Variants in LYZ observed in about 807,000 individuals in gnomAD.
The protein encoded by LYZ is lysozyme.
LYZ carries 18 observed loss-of-function variants against 15.8 expected under a neutral mutation model. That is an observed-to-expected ratio of 1.14 (90% CI 0.79 to 1.69). The LOEUF is 1.69. Ranked by LOEUF, LYZ falls within the 40% of genes most tolerant of loss-of-function variation. The pLI is 0.00. For synonymous variants in LYZ, 60 were observed against 61.7 expected (o/e 0.97, Z 0.13); for missense variants, 139 against 182.8 (o/e 0.76, Z 1.38).
chr12:69,352,380 G>C, intron 3 of LYZ, 82 bp downstream of exon 3: 2 of 1,089,384 alleles, frequency 1.8e-6, no homozygotes, highest in Non-Finnish European at 2.8e-6. Context: ...AAAGACCAAA[G>C]TATGCTAATG....
At chr12:69,352,608 T>C (rs1283520926) in intron 3 of LYZ, among the ~76,000 whole-genome samples, 2 of 152,236 alleles carry the variant, frequency 1.3e-5, no homozygotes, top group African/African-American at 4.8e-5. Context: ...GCACAGTGGC[T>C]CACGCCTGTA....
chr12:69,351,002 T>C (rs1874833804), intron 2 of LYZ, among the ~76,000 whole-genome samples: 1 of 151,740 alleles, frequency 6.6e-6, no homozygotes, highest in Non-Finnish European at 1.5e-5. Flanking sequence ...AACTCCTGAG[T>C]TCAAGCAATC....
chr12:69,348,591 A>G, intron 1 of LYZ, 47 bp downstream of exon 1: 1 of 1,606,686 alleles, frequency 6.2e-7, no homozygotes, highest in South Asian at 1.1e-5. Flanking sequence ...CGTATGGAAC[A>G]GACACTAGGA....
intron 3 of LYZ, among the ~76,000 whole-genome samples, chr12:69,352,847 C>A (rs934979363): frequency 2.6e-5 from 4 of 152,092 alleles, no homozygotes; most frequent in Non-Finnish European, 5.9e-5. Flanking sequence ...TCAGCCTGGG[C>A]GACAGAGTGA....
rs1874817996 is a variant in LYZ, at chr12:69,350,427, A to G, written c.301+155A>G. 3 of 710,132 alleles carry G rather than the reference A, an allele frequency of 4.2e-6. No homozygotes were observed. In the East Asian group the frequency reaches 8.3e-5, roughly 20 times the overall value. 44.0% of individuals were successfully genotyped at this position (710,132 alleles called of 1,614,324 possible). A position where few individuals can be genotyped will look rare whatever the true frequency, so the allele number is the denominator to read the frequency against. On this transcript the variant is annotated intron_variant, in intron 2 of 3. Transcript: ENST00000261267. ...TTATTTTCCTCATAATTCCCTGAGT[A>G]AGAAATTAAAGAAGTGGTATCATAA...
At chr12:69,351,875 T>A (rs951420546) in intron 2 of LYZ, among the ~76,000 whole-genome samples, 3 of 152,220 alleles carry the variant, frequency 2.0e-5, no homozygotes, top group Non-Finnish European at 2.9e-5. Flanking sequence ...TATACATCTT[T>A]GGGTGCATTT....
intron 2 of LYZ, among the ~76,000 whole-genome samples, chr12:69,351,925 G>A (rs2120832420): frequency 6.6e-6 from 1 of 152,154 alleles, no homozygotes; most frequent in East Asian, 1.9e-4. Context: ...TAGAACTGCT[G>A]AGTAAAATAT....
chr12:69,351,922 G>A (rs1874850832), intron 2 of LYZ, among the ~76,000 whole-genome samples: 1 of 152,076 alleles, frequency 6.6e-6, no homozygotes, highest in Non-Finnish European at 1.5e-5. Context: ...TAATAGAACT[G>A]CTGAGTAAAA....
At chr12:69,350,664 A>G (rs1371630458) in intron 2 of LYZ, among the ~76,000 whole-genome samples, 1 of 144,928 alleles carries the variant, frequency 6.9e-6, no homozygotes, top group Non-Finnish European at 1.5e-5. Flanking sequence ...AGACATTAGT[A>G]TAATAAACAG....
In LYZ at chr12:69,352,211, G is replaced by A; in HGVS notation, c.302-9G>A. On this transcript the variant is annotated splice_polypyrimidine_tract_variant and intron_variant, in intron 2 of 3. Transcript: ENST00000261267. ...TTAAAGTTTTTATTCCTTACCACCT[G>A]TCTTTCAGCTTTGCTGCAAGATAAC... 3 of 1,605,510 alleles carry A rather than the reference G, an allele frequency of 1.9e-6. No homozygotes were observed. The highest frequency in any genetic ancestry group is 2.6e-6 in the Non-Finnish European group (3 of 1,172,292).
intron 3 of LYZ, among the ~76,000 whole-genome samples, chr12:69,352,692 G>A (rs1874868578): frequency 6.6e-6 from 1 of 152,144 alleles, no homozygotes. Flanking sequence ...TGCCTAACAT[G>A]GCAAAACCCC....
chr12:69,353,034 T>C (rs1592841058), intron 3 of LYZ, 119 bp from the exon 4 acceptor site: 1 of 766,228 alleles, frequency 1.3e-6, no homozygotes, highest in Non-Finnish European at 2.4e-6. Flanking sequence ...AATAGCTGGG[T>C]CTATCTTACT....
Position 69,353,270 on chromosome 12 carries a change from G to T in LYZ, c.*51G>T. ...ATTTTGTCTCTCTCACATTAAGGGAGTAGGAATTAAGTGAAAGGTCACACT... is the reference window on the plus strand; with the variant it reads ...ATTTTGTCTCTCTCACATTAAGGGATTAGGAATTAAGTGAAAGGTCACACT... On this transcript the variant is annotated 3_prime_UTR_variant, in exon 4 of 4. Transcript: ENST00000261267. 1 of 1,378,528 alleles carries T rather than the reference G, an allele frequency of 7.3e-7. No individual in the cohort carries two copies. The highest frequency in any genetic ancestry group is 1.0e-6 in the Non-Finnish European group (1 of 965,090). The allele number at this position is 1,378,528 out of a possible 1,614,324, so 85.4% of individuals were successfully genotyped here.
chr12:69,349,395 G>T (rs1874792426), intron 1 of LYZ, among the ~76,000 whole-genome samples: 3 of 152,154 alleles, frequency 2.0e-5, no homozygotes, highest in Admixed American at 2.0e-4. Flanking sequence ...GTCACTCTTT[G>T]TATAGGATCC....
rs367623154 is a variant in LYZ, at chr12:69,353,187, G to C, written c.415G>C (p.Val139Leu). 598 of 1,614,080 alleles carry C rather than the reference G, an allele frequency of 3.7e-4. 7 individuals are homozygous for C. In the South Asian group the frequency reaches 6.3e-3, roughly 17 times the overall value. ...AWRNRCQNRD[V>L]RQYVQGCGV ...GAGAAATCGTTGTCAAAACAGAGAT[G>C]TCCGTCAGTATGTTCAAGGTTGTGG... The change falls in exon 4 of 4, where the codon GTC (valine) becomes CTC (leucine). Residue 139 changes from valine (V) to leucine (L), a missense_variant. By Grantham distance (32) the Val-to-Leu change is conservative. Coordinates refer to ENST00000261267, the MANE Select transcript of LYZ (RefSeq NM_000239.3).
Position 69,353,267 on chromosome 12 carries a change from G to A in LYZ, c.*48G>A. 7.1e-7 allele frequency: 1 copy of A among 1,399,892 alleles called. No homozygotes were observed. The highest frequency in any genetic ancestry group is 1.0e-6 in the Non-Finnish European group (1 of 984,762). The allele number at this position is 1,399,892 out of a possible 1,614,324, so 86.7% of individuals were successfully genotyped here. A position where few individuals can be genotyped will look rare whatever the true frequency, so the allele number is the denominator to read the frequency against. ...CTCATTTTGTCTCTCTCACATTAAG[G>A]GAGTAGGAATTAAGTGAAAGGTCAC... On this transcript the variant is annotated 3_prime_UTR_variant, in exon 4 of 4. Coordinates refer to ENST00000261267, the MANE Select transcript of LYZ (RefSeq NM_000239.3).
chr12:69,350,032 T>C, intron 1 of LYZ, 76 bp from the exon 2 acceptor site: 1 of 1,197,992 alleles, frequency 8.3e-7, no homozygotes. Flanking sequence ...TAGAAGTAGC[T>C]AAGTAGAACT....
chr12:69,350,574 G>T, intron 2 of LYZ: 2 of 328,050 alleles, frequency 6.1e-6, no homozygotes, highest in South Asian at 3.3e-5. Flanking sequence ...GGGAGGTTTT[G>T]GGATAATTTA....
intron 2 of LYZ, among the ~76,000 whole-genome samples, chr12:69,350,761 TTTTTTTTTG>T: frequency 7.1e-6 from 1 of 139,908 alleles, no homozygotes; most frequent in African/African-American, 2.7e-5. Context: ...TTTTTTTTTT[TTTTTTTTTG>T]CTGAGAGTTT....
Sources: gnomAD v4.1 joint callset for allele counts (sites outside exome capture counted in the v4.1 genomes callset) on GRCh38, gnomAD v4.1.1 for gene constraint, MANE v1.5 for transcripts, NCBI Gene and HGNC (gene_info 2026-07-23, HGNC 2026-07-21) for gene names.